ACVR2B: variants seen among roughly 807,000 people sequenced by gnomAD.
ACVR2B encodes activin A receptor type 2B, also known as activin receptor type-2B.
In ACVR2B, 18 loss-of-function variants were observed where a neutral mutation model predicts 65.1. The observed-to-expected ratio is 0.28, with a 90% confidence interval of 0.19 to 0.41. The LOEUF (loss-of-function observed/expected upper bound fraction) is 0.41, where lower values mean the gene tolerates loss of function less well. ACVR2B is among the 10% of genes least tolerant of loss of function. ACVR2B has a pLI of 1.00. For synonymous variants in ACVR2B, 298 were observed against 277.7 expected (o/e 1.07, Z -0.73); for missense variants, 482 against 682.7 (o/e 0.71, Z 3.28).
At position 38,485,208 on chromosome 3, in the gene ACVR2B, A is replaced by T. The variant is rs1710093578; in HGVS notation, c.*1876A>T. On this transcript the variant is annotated 3_prime_UTR_variant, in exon 11 of 11. Transcript: ENST00000352511. ...GAGCTTCACATGTAATTCACATGTA[A>T]CATGTAACTTGATCGGTCAGTGTTC... 6.6e-6 allele frequency: 1 copy of T among 152,256 alleles called. No individual in the cohort carries two copies. The highest frequency in any genetic ancestry group is 2.4e-5 in the African/African-American group (1 of 41,466). The allele number at this position is 152,256 out of a possible 1,614,324, so 9.4% of individuals were successfully genotyped here. A position where few individuals can be genotyped will look rare whatever the true frequency, so the allele number is the denominator to read the frequency against.
At chr3:38,466,595 C>T (rs1262107727) in intron 1 of ACVR2B, among the ~76,000 whole-genome samples, 2 of 151,760 alleles carry the variant, frequency 1.3e-5, no homozygotes, top group Non-Finnish European at 2.9e-5. Flanking sequence ...CCTCCGCCTC[C>T]CGGGTTCAAG....
At chr3:38,458,471 A>G (rs1450022338) in intron 1 of ACVR2B, among the ~76,000 whole-genome samples, 1 of 152,164 alleles carries the variant, frequency 6.6e-6, no homozygotes, top group Non-Finnish European at 1.5e-5. Flanking sequence ...CCACTGTAGT[A>G]GTCTTAAGGG....
rs781394045 is a variant in ACVR2B, at chr3:38,477,477, C to T, written c.243C>T (p.Asp81=). The T allele has an allele frequency of 3.8e-5, 62 of 1,613,946 alleles. No individual in the cohort carries two copies. Among genetic ancestry groups the T allele is most frequent in the Non-Finnish European group, 5.0e-5 (59 of 1,179,962 alleles). Residue 81 remains aspartate (D), a synonymous_variant, in exon 2 of 11, where the codon GAC becomes GAT. Coordinates refer to ENST00000352511, the MANE Select transcript of ACVR2B (RefSeq NM_001106.4). The surrounding 1 kb of genome is among the most constrained non-coding windows in gnomAD (Gnocchi z 6.7). ...ELVKKGCWLD[D]FNCYDRQECV... is the part of the protein sequence containing the mutation. Reference sequence around the variant, plus strand: ...TGAAGAAGGGCTGCTGGCTAGATGACTTCAACTGCTACGATAGGTACCCCA... The same window carrying T: ...TGAAGAAGGGCTGCTGGCTAGATGATTTCAACTGCTACGATAGGTACCCCA...
chr3:38,483,216 G>C lies in ACVR2B; in HGVS notation c.1423G>C (p.Glu475Gln). 6.2e-7 allele frequency: 1 copy of C among 1,614,152 alleles called. No homozygotes were observed. Among genetic ancestry groups the C allele is most frequent in the Non-Finnish European group, 8.5e-7 (1 of 1,180,034 alleles). The change falls in exon 11 of 11, where the codon GAG (glutamate) becomes CAG (glutamine). Residue 475 changes from glutamate (E) to glutamine (Q), a missense_variant. By Grantham distance (29) the Glu-to-Gln change is conservative (BLOSUM62 2). Coordinates refer to ENST00000352511, the MANE Select transcript of ACVR2B (RefSeq NM_001106.4). The surrounding 1 kb of genome is among the most constrained non-coding windows in gnomAD (Gnocchi z 4.8). ...GGCTCGCTTGTCCGCGGGCTGTGTGGAGGAGCGGGTGTCCCTGATTCGGAG... is the reference window on the plus strand; with the variant it reads ...GGCTCGCTTGTCCGCGGGCTGTGTGCAGGAGCGGGTGTCCCTGATTCGGAG... The part of the protein sequence containing the change: ...AEARLSAGCV[E>Q]ERVSLIRRSV...
chr3:38,458,602 T>C (rs1362381326), intron 1 of ACVR2B, among the ~76,000 whole-genome samples: 1 of 152,152 alleles, frequency 6.6e-6, no homozygotes, highest in Non-Finnish European at 1.5e-5. Flanking sequence ...AAAGCTGTCC[T>C]CTTGAGTGCC....
chr3:38,464,845 C>A (rs1480857870), intron 1 of ACVR2B, among the ~76,000 whole-genome samples: 1 of 151,724 alleles, frequency 6.6e-6, no homozygotes, highest in Non-Finnish European at 1.5e-5. Flanking sequence ...ATCAGTTGAG[C>A]CCAGGAGTTC....
chr3:38,454,224 G>A lies in ACVR2B; in HGVS notation c.-99G>A. The A allele has an allele frequency of 2.2e-6, 2 of 891,076 alleles. No individual in the cohort carries two copies. The highest frequency in any genetic ancestry group is 2.9e-6 in the Non-Finnish European group (2 of 699,722). 55.2% of individuals were successfully genotyped at this position (891,076 alleles called of 1,614,324 possible). On this transcript the variant is annotated 5_prime_UTR_variant, in exon 1 of 11. Transcript: ENST00000352511. Reference sequence around the variant, plus strand: ...GGGAACGAGACCGAAGGAAGGAGCGGGAAGGAGAGCGCAGCCGCCGCCTGG... The same window carrying A: ...GGGAACGAGACCGAAGGAAGGAGCGAGAAGGAGAGCGCAGCCGCCGCCTGG...
chr3:38,477,614 A>G lies in ACVR2B; in HGVS notation c.260+120A>G. 1 of 1,245,220 alleles carries G rather than the reference A, an allele frequency of 8.0e-7. No homozygotes were observed. The highest frequency in any genetic ancestry group is 1.2e-6 in the Non-Finnish European group (1 of 868,622). The allele number at this position is 1,245,220 out of a possible 1,614,324, so 77.1% of individuals were successfully genotyped here. A position where few individuals can be genotyped will look rare whatever the true frequency, so the allele number is the denominator to read the frequency against. On this transcript the variant is annotated intron_variant, in intron 2 of 10. Coordinates refer to ENST00000352511, the MANE Select transcript of ACVR2B (RefSeq NM_001106.4). The surrounding 1 kb of genome is among the most constrained non-coding windows in gnomAD (Gnocchi z 6.7). ...AAAGGACCAAGAAGGGGCTCTTGAG[A>G]TGGTAGCCATGGCCCCACGCCCTTC...
At chr3:38,456,892 G>A (rs1438639823) in intron 1 of ACVR2B, among the ~76,000 whole-genome samples, 1 of 152,180 alleles carries the variant, frequency 6.6e-6, no homozygotes, top group African/African-American at 2.4e-5. Flanking sequence ...TTCTTTCCAT[G>A]AGATGGAATG....
At position 38,484,204 on chromosome 3, in the gene ACVR2B, G is replaced by A. The variant is rs1285080932; in HGVS notation, c.*872G>A. The A allele has an allele frequency of 6.6e-6, 1 of 152,410 alleles. No homozygotes were observed. 9.4% of individuals were successfully genotyped at this position (152,410 alleles called of 1,614,324 possible). A position where few individuals can be genotyped will look rare whatever the true frequency, so the allele number is the denominator to read the frequency against. On this transcript the variant is annotated 3_prime_UTR_variant, in exon 11 of 11. Coordinates refer to ENST00000352511, the MANE Select transcript of ACVR2B (RefSeq NM_001106.4). ...GTTTCTTTTCACTAACTTGGCCTTGGGCATAGGATGAAACATTTTTTCTGC... is the reference window on the plus strand; with the variant it reads ...GTTTCTTTTCACTAACTTGGCCTTGAGCATAGGATGAAACATTTTTTCTGC...
chr3:38,466,346 A>G lies in ACVR2B; in HGVS notation c.53-10941A>G, dbSNP rs1398258760. 2.0e-5 allele frequency among the ~76,000 whole-genome samples: 3 copies of G among 152,330 alleles called. No homozygotes were observed. In the East Asian group the frequency reaches 5.8e-4, roughly 29 times the overall value. Reference sequence around the variant, plus strand: ...GTATGGTATATTTCAAAATAGCCAGAAGAGAGGATTTTGAATGTTCCTACC... The same window carrying G: ...GTATGGTATATTTCAAAATAGCCAGGAGAGAGGATTTTGAATGTTCCTACC... On this transcript the variant is annotated intron_variant, in intron 1 of 10. Coordinates refer to ENST00000352511, the MANE Select transcript of ACVR2B (RefSeq NM_001106.4).
chr3:38,454,858 C>G (rs1052621113), intron 1 of ACVR2B: 1 of 152,716 alleles, frequency 6.5e-6, no homozygotes, highest in Non-Finnish European at 1.5e-5. Flanking sequence ...CCAAAGTCCC[C>G]TGCATCTCTT....
In ACVR2B at chr3:38,488,358, A is replaced by G. The variant is rs992444971; in HGVS notation, c.*5026A>G. ...GCAGTCTACCTATGAATGTATCCCAAACCTTTAGAAGATTGGAAAAGATTT... is the reference window on the plus strand; with the variant it reads ...GCAGTCTACCTATGAATGTATCCCAGACCTTTAGAAGATTGGAAAAGATTT... On this transcript the variant is annotated 3_prime_UTR_variant, in exon 11 of 11. Transcript: ENST00000352511. 2.6e-5 allele frequency: 4 copies of G among 152,228 alleles called. No homozygotes were observed. The highest frequency in any genetic ancestry group is 4.4e-5 in the Non-Finnish European group (3 of 68,048). The allele number at this position is 152,228 out of a possible 1,614,324, so 9.4% of individuals were successfully genotyped here.
At position 38,477,637 on chromosome 3, in the gene ACVR2B, T is replaced by C. The variant is rs1238963322; in HGVS notation, c.260+143T>C. 1 of 1,122,782 alleles carries C rather than the reference T, an allele frequency of 8.9e-7. No homozygotes were observed. The highest frequency in any genetic ancestry group is 1.3e-6 in the Non-Finnish European group (1 of 755,710). The allele number at this position is 1,122,782 out of a possible 1,614,324, so 69.6% of individuals were successfully genotyped here. A position where few individuals can be genotyped will look rare whatever the true frequency, so the allele number is the denominator to read the frequency against. The stretch of plus-strand genomic sequence containing the variant: ...AGATGGTAGCCATGGCCCCACGCCC[T>C]TCCACACCCTATTTGTCCTACCTTA... On this transcript the variant is annotated intron_variant, in intron 2 of 10. Transcript: ENST00000352511. The surrounding 1 kb of genome is among the most constrained non-coding windows in gnomAD (Gnocchi z 6.7).
intron 1 of ACVR2B, among the ~76,000 whole-genome samples, chr3:38,467,752 C>CAAAAA (rs71085327): frequency 7.2e-6 from 1 of 139,338 alleles, no homozygotes. Context: ...ACCCTGTGTC[C>CAAAAA]AAAAAAAAAA....
At position 38,482,348 on chromosome 3, in the gene ACVR2B, G is replaced by A. The variant is rs763922415; in HGVS notation, c.1213+12G>A. The A allele has an allele frequency of 6.2e-7, 1 of 1,610,168 alleles. No homozygotes were observed. ...CAAGGCTGCAGACGGTAAGTAGGAT[G>A]GCAGCCCTGGGCATCCTAGATTGAG... On this transcript the variant is annotated intron_variant, in intron 9 of 10. Transcript: ENST00000352511.
At chr3:38,461,564 G>A (rs935885114) in intron 1 of ACVR2B, among the ~76,000 whole-genome samples, 7 of 152,114 alleles carry the variant, frequency 4.6e-5, no homozygotes, top group Admixed American at 4.6e-4. Flanking sequence ...AGTAGAAGGA[G>A]GGCCAGGGCA....
In ACVR2B at chr3:38,483,216, G is replaced by A. The variant is rs1173984429; in HGVS notation, c.1423G>A (p.Glu475Lys). The change falls in exon 11 of 11, where the codon GAG becomes AAG. Residue 475 changes from glutamate (E) to lysine (K), a missense_variant. By Grantham distance (56) the Glu-to-Lys change is moderately conservative. Around this residue, in one of 5 missense-constraint regions of ACVR2B, gnomAD observed 223 missense variants for 386.3 expected, o/e 0.58. Coordinates refer to ENST00000352511, the MANE Select transcript of ACVR2B (RefSeq NM_001106.4). The surrounding 1 kb of genome is among the most constrained non-coding windows in gnomAD (Gnocchi z 4.8). ...GGCTCGCTTGTCCGCGGGCTGTGTG[G>A]AGGAGCGGGTGTCCCTGATTCGGAG... The part of the protein sequence containing the change: ...AEARLSAGCV[E>K]ERVSLIRRSV... 1 of 1,614,152 alleles carries A rather than the reference G, an allele frequency of 6.2e-7. No individual in the cohort carries two copies. Among genetic ancestry groups the A allele is most frequent in the Non-Finnish European group, 8.5e-7 (1 of 1,180,034 alleles).
chr3:38,472,351 G>T (rs1709832779), intron 1 of ACVR2B, among the ~76,000 whole-genome samples: 1 of 152,184 alleles, frequency 6.6e-6, no homozygotes, highest in South Asian at 2.1e-4. Flanking sequence ...TTCGAGGGGT[G>T]CTGTCTGTGG....
Sources: allele counts gnomAD v4.1 joint callset (sites outside exome capture counted in the v4.1 genomes callset), GRCh38; gene constraint gnomAD v4.1.1; regional missense constraint gnomAD v4.1.1; non-coding constraint Gnocchi (gnomAD v3.1); transcripts MANE v1.5; gene names NCBI Gene and HGNC (gene_info 2026-07-23, HGNC 2026-07-21).